The following DPP10 variants were observed in gnomAD, a reference collection of about 807,000 sequenced individuals.
DPP10 encodes dipeptidyl peptidase like 10, also known as inactive dipeptidyl peptidase 10.
In DPP10, 33 loss-of-function variants were observed where a neutral mutation model predicts 120.9. The observed-to-expected ratio is 0.27, with a 90% confidence interval of 0.21 to 0.37. The LOEUF is 0.37. DPP10 is among the 10% of genes least tolerant of loss of function. The probability of loss-of-function intolerance (pLI) is 1.00; values close to 1 mark genes in which losing one functional copy is unlikely to be tolerated. For missense variants in DPP10, 816 were observed against 942.8 expected, an observed-to-expected ratio of 0.87 and a Z score of 1.76; for synonymous variants, 337 against 326.1, an observed-to-expected ratio of 1.03 and a Z score of -0.36.
chr2:114,542,548 A>G (rs1400189160), intron 1 of DPP10, among the ~76,000 whole-genome samples: 1 of 152,164 alleles, frequency 6.6e-6, no homozygotes. Context: ...TAAGGAATGC[A>G]GTTTCTGCCC....
At chr2:115,516,502 A>G (rs2077510364) in intron 4 of DPP10, among the ~76,000 whole-genome samples, 1 of 152,032 alleles carries the variant, frequency 6.6e-6, no homozygotes, top group African/African-American at 2.4e-5. Flanking sequence ...CAGGAGGTAT[A>G]ATGTTACATC....
intron 2 of DPP10, among the ~76,000 whole-genome samples, chr2:115,328,665 T>C (rs1240649945): frequency 2.0e-5 from 3 of 151,788 alleles, no homozygotes; most frequent in Admixed American, 2.0e-4. Context: ...AATAAAATTC[T>C]ATACAAAGAA....
intron 1 of DPP10, among the ~76,000 whole-genome samples, chr2:115,177,912 C>T (rs904863998): frequency 9.9e-5 from 15 of 151,980 alleles, no homozygotes; most frequent in African/African-American, 2.2e-4. Flanking sequence ...TACAGGTGCC[C>T]GCCACCACGC....
intron 1 of DPP10, among the ~76,000 whole-genome samples, chr2:114,687,191 G>A (rs1699428470): frequency 6.6e-6 from 1 of 151,928 alleles, no homozygotes; most frequent in East Asian, 2.0e-4. Context: ...AACCTTTCCA[G>A]TTGAGTCACC....
intron 1 of DPP10, among the ~76,000 whole-genome samples, chr2:114,909,802 G>A (rs1013149347): frequency 6.6e-6 from 1 of 151,980 alleles, no homozygotes; most frequent in African/African-American, 2.4e-5. Flanking sequence ...TTTATAGGAA[G>A]CACTTTCAGT....
At chr2:115,808,591 T>C (rs1211812806) in intron 19 of DPP10, among the ~76,000 whole-genome samples, 1 of 152,170 alleles carries the variant, frequency 6.6e-6, no homozygotes, top group African/African-American at 2.4e-5. Flanking sequence ...CTATACCAAA[T>C]TAAAAGCAAA....
At chr2:114,519,320 CAGA>C (rs1413206707) in intron 1 of DPP10, among the ~76,000 whole-genome samples, 1 of 152,222 alleles carries the variant, frequency 6.6e-6, no homozygotes, top group Admixed American at 6.5e-5. Flanking sequence ...TCTGTCACTA[CAGA>C]AGAACTGTTT....
At chr2:114,616,545 C>T (rs1455302377) in intron 1 of DPP10, among the ~76,000 whole-genome samples, 1 of 152,112 alleles carries the variant, frequency 6.6e-6, no homozygotes, top group Non-Finnish European at 1.5e-5. Flanking sequence ...CCAGCTGACC[C>T]TCAGAAACAC....
intron 1 of DPP10, among the ~76,000 whole-genome samples, chr2:114,615,574 A>G (rs1382808170): frequency 6.6e-6 from 1 of 152,132 alleles, no homozygotes; most frequent in Non-Finnish European, 1.5e-5. Context: ...TACAGAGTAA[A>G]AGTACTGGGG....
intron 1 of DPP10, among the ~76,000 whole-genome samples, chr2:114,751,229 C>G (rs1193556693): frequency 6.6e-6 from 1 of 151,446 alleles, no homozygotes; most frequent in East Asian, 2.2e-4. Flanking sequence ...ATTCTCCCCA[C>G]TGGCCTACCA....
chr2:115,627,920 A>G (rs1316828932), intron 5 of DPP10, among the ~76,000 whole-genome samples: 1 of 152,104 alleles, frequency 6.6e-6, no homozygotes, highest in Non-Finnish European at 1.5e-5. Flanking sequence ...TCTATTATTG[A>G]TGGGCATTTG....
chr2:114,942,287 GTATATATATACATATATATATA>G (rs1696966423), intron 1 of DPP10, among the ~76,000 whole-genome samples: 1 of 112,804 alleles, frequency 8.9e-6, no homozygotes, highest in African/African-American at 3.8e-5. Context: ...AAAAAAATGT[GTATATATATACATATATATATA>G]TATATATATA....
intron 1 of DPP10, among the ~76,000 whole-genome samples, chr2:114,714,764 T>A (rs933569216): frequency 9.9e-5 from 15 of 152,090 alleles, no homozygotes; most frequent in Admixed American, 7.2e-4. Context: ...CTATGATTGT[T>A]TTTTTTGTTA....
chr2:115,492,075 A>G (rs532415212), intron 3 of DPP10, among the ~76,000 whole-genome samples: 120 of 152,236 alleles, frequency 7.9e-4, no homozygotes, highest in African/African-American at 2.6e-3. Flanking sequence ...ACAGCAATCA[A>G]TAAATAAATA....
intron 19 of DPP10, among the ~76,000 whole-genome samples, chr2:115,791,825 G>C (rs574645750): frequency 3.3e-5 from 5 of 152,146 alleles, no homozygotes; most frequent in Non-Finnish European, 5.9e-5. Context: ...TGACTTTGAA[G>C]TTAAATATCT....
intron 1 of DPP10, among the ~76,000 whole-genome samples, chr2:114,588,773 C>T (rs1189572084): frequency 1.3e-5 from 2 of 151,982 alleles, no homozygotes; most frequent in Non-Finnish European, 2.9e-5. Flanking sequence ...ACAGTTGGTG[C>T]AGTGGTTGAG....
intron 20 of DPP10, among the ~76,000 whole-genome samples, chr2:115,815,234 T>G (rs1416743149): frequency 6.6e-6 from 1 of 152,218 alleles, no homozygotes; most frequent in Admixed American, 6.5e-5. Context: ...TTGGATACAT[T>G]TTAATTATAC....
chr2:114,555,911 A>G (rs1240604471), intron 1 of DPP10, among the ~76,000 whole-genome samples: 1 of 152,078 alleles, frequency 6.6e-6, no homozygotes, highest in Non-Finnish European at 1.5e-5. Flanking sequence ...GTAACATCCT[A>G]TGTGATGGAA....
At chr2:115,277,921 A>G (rs1221208256) in intron 1 of DPP10, among the ~76,000 whole-genome samples, 6 of 152,210 alleles carry the variant, frequency 3.9e-5, no homozygotes, top group African/African-American at 1.4e-4. Flanking sequence ...ATTGGCAGAC[A>G]TGCAAGATGA....
Sources: gnomAD v4.1 joint callset for allele counts (sites outside exome capture counted in the v4.1 genomes callset) on GRCh38, gnomAD v4.1.1 for gene constraint, MANE v1.5 for transcripts, NCBI Gene and HGNC (gene_info 2026-07-23, HGNC 2026-07-21) for gene names.